The following DPP6 variants were observed in gnomAD, a reference collection of about 807,000 sequenced individuals.
The protein encoded by DPP6 is A-type potassium channel modulatory protein DPP6.
Under a neutral mutation model 122.6 loss-of-function variants are expected in DPP6, and 69 were observed. The ratio of observed to expected loss-of-function variants is 0.56; its 90% CI spans 0.46 to 0.69. The LOEUF (loss-of-function observed/expected upper bound fraction) is 0.69, where lower values mean the gene tolerates loss of function less well. Among genes scored for constraint, DPP6 ranks in the 30% least tolerant of loss-of-function variants. DPP6 has a pLI of 0.00. For missense variants in DPP6, 928 were observed against 1,116.9 expected, an observed-to-expected ratio of 0.83 and a Z score of 2.41; for synonymous variants, 418 against 433.1, an observed-to-expected ratio of 0.97 and a Z score of 0.43.
intron 1 of DPP6, among the ~76,000 whole-genome samples, chr7:154,223,567 A>G (rs1232993233): frequency 6.7e-6 from 1 of 149,354 alleles, no homozygotes. Context: ...AGGCTCTGAG[A>G]TCAAATTGAA....
chr7:154,672,632 A>C (rs1246398759), intron 7 of DPP6, among the ~76,000 whole-genome samples: 1 of 152,194 alleles, frequency 6.6e-6, no homozygotes, highest in African/African-American at 2.4e-5. Context: ...TTAATACTTG[A>C]GTTTAGTACC....
At chr7:154,365,121 G>A (rs974898480) in intron 1 of DPP6, among the ~76,000 whole-genome samples, 26 of 152,152 alleles carry the variant, frequency 1.7e-4, no homozygotes, top group African/African-American at 6.0e-4. Context: ...AAAGGAAGCA[G>A]CTTCATCCAC....
At chr7:153,772,962 TAAAAG>T in the DPP6 span, among the ~76,000 whole-genome samples, 43 of 85,896 alleles carry the variant, frequency 5.0e-4, 1 homozygote, top group East Asian at 1.6e-3. Context: ...TAATAATATA[TAAAAG>T]AAAAGACTTA....
chr7:153,855,741 G>T, the DPP6 span, among the ~76,000 whole-genome samples: 1 of 152,008 alleles, frequency 6.6e-6, no homozygotes, highest in Non-Finnish European at 1.5e-5. Context: ...CTCCCTTCCT[G>T]CTTAGGAAGT....
the DPP6 span, among the ~76,000 whole-genome samples, chr7:153,805,400 A>G: frequency 6.6e-4 from 100 of 152,356 alleles, no homozygotes; most frequent in African/African-American, 2.3e-3. Flanking sequence ...CATCCAAGTC[A>G]GACGTCCCAA....
the DPP6 span, among the ~76,000 whole-genome samples, chr7:153,801,121 G>A: frequency 4.0e-5 from 6 of 150,218 alleles, no homozygotes; most frequent in Non-Finnish European, 5.9e-5. Context: ...AGCACATTTC[G>A]GAATTTCAAA....
chr7:154,212,102 C>T (rs931248689), intron 1 of DPP6, among the ~76,000 whole-genome samples: 1 of 152,140 alleles, frequency 6.6e-6, no homozygotes, highest in Non-Finnish European at 1.5e-5. Flanking sequence ...TCACATGGCT[C>T]ATCAGTGCTG....
chr7:153,999,730 A>C (rs1797600022), intron 1 of DPP6, among the ~76,000 whole-genome samples: 1 of 152,202 alleles, frequency 6.6e-6, no homozygotes, highest in African/African-American at 2.4e-5. Flanking sequence ...AGACCAAGGC[A>C]AGTGGATCGC....
intron 7 of DPP6, among the ~76,000 whole-genome samples, chr7:154,670,618 G>T (rs1838496573): frequency 6.6e-6 from 1 of 152,164 alleles, no homozygotes; most frequent in African/African-American, 2.4e-5. Context: ...AGATGACATG[G>T]TTGCTGTTTT....
intron 6 of DPP6, among the ~76,000 whole-genome samples, chr7:154,638,557 C>T (rs113386819): frequency 0.017 from 2,600 of 152,260 alleles, 31 homozygotes; most frequent in Middle Eastern, 0.048. Flanking sequence ...CACTGCTAAC[C>T]TCATCTGGTC....
chr7:154,482,892 G>A (rs1055200854), intron 3 of DPP6, among the ~76,000 whole-genome samples: 2 of 152,150 alleles, frequency 1.3e-5, no homozygotes, highest in African/African-American at 4.8e-5. Flanking sequence ...TGGGCAGCTG[G>A]AATGGTGATT....
In DPP6 at chr7:153,896,338, C is replaced by T. The variant is rs137857865; in HGVS notation, c.51+8604C>T. ...GTACTTCTAGGGTATGTTCTGACTT[C>T]ATTATACATTCAGCTTAATATTCTA... is the stretch of plus-strand genomic sequence containing the variant. On this transcript the variant is annotated intron_variant, in intron 1 of 25. Transcript: ENST00000404039. Among the ~76,000 whole-genome samples the T allele has an allele frequency of 5.6e-3, 849 of 152,294 alleles. 13 individuals are homozygous for T. The highest frequency in any genetic ancestry group is 0.019 in the African/African-American group (799 of 41,556).
At chr7:154,720,075 G>A (rs1278153330) in intron 7 of DPP6, among the ~76,000 whole-genome samples, 1 of 152,230 alleles carries the variant, frequency 6.6e-6, no homozygotes, top group African/African-American at 2.4e-5. Context: ...GAAGGTCTGT[G>A]ACGGAGAGAG....
At chr7:154,061,588 T>C (rs1482589097) in intron 1 of DPP6, among the ~76,000 whole-genome samples, 1 of 143,598 alleles carries the variant, frequency 7.0e-6, no homozygotes, top group African/African-American at 2.6e-5. Context: ...CATCCCCTCT[T>C]CCCCCCTGGC....
intron 1 of DPP6, among the ~76,000 whole-genome samples, chr7:153,955,110 A>G (rs1021300816): frequency 2.0e-5 from 3 of 152,218 alleles, no homozygotes; most frequent in Admixed American, 1.3e-4. Context: ...TTAACAGGGC[A>G]TCATCAAGTT....
At chr7:154,191,272 G>A (rs1438476522) in intron 1 of DPP6, among the ~76,000 whole-genome samples, 1 of 152,190 alleles carries the variant, frequency 6.6e-6, no homozygotes, top group Non-Finnish European at 1.5e-5. Context: ...GCATCTTAAT[G>A]GAAAGAAGAC....
chr7:154,583,057 A>G (rs1432656496), intron 5 of DPP6, among the ~76,000 whole-genome samples: 1 of 152,142 alleles, frequency 6.6e-6, no homozygotes, highest in African/African-American at 2.4e-5. Context: ...GCTGCCCCTG[A>G]GCCCACTGGT....
At chr7:154,047,179 C>T (rs73729267) in intron 1 of DPP6, among the ~76,000 whole-genome samples, 22,368 of 145,154 alleles carry the variant, frequency 0.15, 2,790 homozygotes, top group African/African-American at 0.34. Flanking sequence ...CTGACCATAC[C>T]GCAAGCAGGA....
chr7:154,834,967 TATG>T (rs534875994), intron 16 of DPP6, among the ~76,000 whole-genome samples: 25 of 152,284 alleles, frequency 1.6e-4, no homozygotes, highest in African/African-American at 5.5e-4. Flanking sequence ...ACAGTCTAAG[TATG>T]ATATGTAAGG....
Sources: allele counts gnomAD v4.1 joint callset (sites outside exome capture counted in the v4.1 genomes callset), GRCh38; gene constraint gnomAD v4.1.1; transcripts MANE v1.5; gene names NCBI Gene and HGNC (gene_info 2026-07-23, HGNC 2026-07-21).